Variants in GMPPA observed in about 807,000 individuals in gnomAD.
The protein encoded by GMPPA is mannose-1-phosphate guanylyltransferase regulatory subunit alpha.
GMPPA carries 46 observed loss-of-function variants against 58.6 expected under a neutral mutation model. The observed-to-expected ratio is 0.78, with a 90% confidence interval of 0.62 to 1.00. The LOEUF is 1.00. GMPPA is among the 50% of genes least tolerant of loss of function. The pLI, the probability that GMPPA is intolerant of heterozygous loss-of-function variation, is 0.00. For synonymous variants in GMPPA, 211 were observed against 214.9 expected, an observed-to-expected ratio of 0.98 and a Z score of 0.16; for missense variants, 468 against 556.4, an observed-to-expected ratio of 0.84 and a Z score of 1.60.
At chr2:219,506,100 T>G (rs775853885) in intron 11 of GMPPA, 28 bp downstream of exon 11, 5 of 1,522,912 alleles carry the variant, frequency 3.3e-6, no homozygotes, top group South Asian at 2.4e-5. Context: ...CAGCAGCATG[T>G]GACACCCCAA....
intron 3 of GMPPA, 67 bp downstream of exon 3, chr2:219,500,285 C>T (rs553725839): frequency 2.0e-5 from 17 of 861,934 alleles, no homozygotes; most frequent in African/African-American, 1.7e-4. Flanking sequence ...CCCCCTTTCC[C>T]AACCATGAAC....
chr2:219,506,668 C>A, intron 12 of GMPPA, 30 bp from the exon 13 acceptor site: 2 of 1,323,624 alleles, frequency 1.5e-6, no homozygotes, highest in Non-Finnish European at 2.2e-6. Flanking sequence ...CCTCCCATGA[C>A]CTCCCCTGGT....
At chr2:219,501,426 A>G (rs777182058) in intron 3 of GMPPA, 50 bp from the exon 4 acceptor site, 2 of 1,114,158 alleles carry the variant, frequency 1.8e-6, no homozygotes, top group Non-Finnish European at 2.8e-6. Flanking sequence ...TTTCCCCAAC[A>G]TCCCCTCCTA....
In GMPPA at chr2:219,502,481, G is replaced by T. The variant is rs370918738; in HGVS notation, c.489+40G>T. ...GGGGCTGGGTGGGTGCCTACTCTGTGTCATCATCCCCTCTACCTCAGGCCT... is the reference window on the plus strand; with the variant it reads ...GGGGCTGGGTGGGTGCCTACTCTGTTTCATCATCCCCTCTACCTCAGGCCT... On this transcript the variant is annotated intron_variant, in intron 6 of 12. Transcript: ENST00000313597. This position sits in a 1 kb window ranked among gnomAD's most constrained non-coding sequence, Gnocchi z 4.0. The T allele has an allele frequency of 7.1e-5, 107 of 1,513,632 alleles. No homozygotes were observed. Among genetic ancestry groups the T allele is most frequent in the Non-Finnish European group, 9.2e-5 (100 of 1,089,638 alleles). 93.8% of individuals were successfully genotyped at this position (1,513,632 alleles called of 1,614,324 possible).
At chr2:219,504,962 G>A in intron 7 of GMPPA, 3 of 968,750 alleles carry the variant, frequency 3.1e-6, no homozygotes, top group South Asian at 2.5e-5. Context: ...GAAAATGGGG[G>A]GAACTCCTTA....
At position 219,502,708 on chromosome 2, in the gene GMPPA, T is replaced by C. The variant is rs1694444723; in HGVS notation, c.489+267T>C. On this transcript the variant is annotated intron_variant, in intron 6 of 12. Coordinates refer to ENST00000313597, the MANE Select transcript of GMPPA (RefSeq NM_013335.4). The surrounding 1 kb of genome is among the most constrained non-coding windows in gnomAD (Gnocchi z 4.0). Reference sequence around the variant, plus strand: ...CAAGGGGGCCCCAACCCAGCCTTGCTGGGGTGGGAGTAGAGAGGGCTTCCT... The same window carrying C: ...CAAGGGGGCCCCAACCCAGCCTTGCCGGGGTGGGAGTAGAGAGGGCTTCCT... Among the ~76,000 whole-genome samples, 1 of 152,044 alleles carries C rather than the reference T, an allele frequency of 6.6e-6. No homozygotes were observed. The highest frequency in any genetic ancestry group is 1.5e-5 in the Non-Finnish European group (1 of 67,984).
In GMPPA at chr2:219,502,568, C is replaced by T. The variant is rs559133003; in HGVS notation, c.489+127C>T. ...TCTTGTCAGACAGGTGAGACACTCC[C>T]GATTAATCATCTTATATCCCTTTAA... On this transcript the variant is annotated intron_variant, in intron 6 of 12. Transcript: ENST00000313597. This position sits in a 1 kb window ranked among gnomAD's most constrained non-coding sequence, Gnocchi z 4.0. 140 of 690,220 alleles carry T rather than the reference C, an allele frequency of 2.0e-4. 2 individuals are homozygous for T. The African/African-American group carries it at 2.2e-3, about 11-fold the overall frequency. The allele number at this position is 690,220 out of a possible 1,614,324, so 42.8% of individuals were successfully genotyped here. A position where few individuals can be genotyped will look rare whatever the true frequency, so the allele number is the denominator to read the frequency against.
At chr2:219,501,718 T>C in intron 4 of GMPPA, 133 bp from the exon 5 acceptor site, 1 of 907,332 alleles carries the variant, frequency 1.1e-6, no homozygotes, top group South Asian at 1.5e-5. Flanking sequence ...AATGAATCTC[T>C]GAGTATATAG....
chr2:219,506,700 T>C lies in GMPPA; in HGVS notation c.1165T>C (p.Cys389Arg). The C allele has an allele frequency of 1.3e-6, 2 of 1,579,672 alleles. No homozygotes were observed. Among genetic ancestry groups the C allele is most frequent in the Non-Finnish European group, 1.7e-6 (2 of 1,149,170 alleles). Residue 389 changes from cysteine to arginine, a missense_variant and splice_region_variant, in exon 13 of 13, where the codon TGC becomes CGC. Transcript: ENST00000313597. ...KLLPAITILG[C>R]RVRIPAEVLI... ...TGGTGCCCTCATCCATGCTGCAGGC[T>C]GCCGAGTCCGGATCCCTGCCGAGGT...
In GMPPA at chr2:219,506,728, T is replaced by G; in HGVS notation, c.1193T>G (p.Leu398Arg). The G allele has an allele frequency of 6.2e-7, 1 of 1,606,542 alleles. No homozygotes were observed. Among genetic ancestry groups the G allele is most frequent in the Non-Finnish European group, 8.5e-7 (1 of 1,173,432 alleles). The change falls in exon 13 of 13, where the codon CTC becomes CGC. Residue 398 changes from leucine to arginine, a missense_variant. Transcript: ENST00000313597. Reference sequence around the variant, plus strand: ...CGAGTCCGGATCCCTGCCGAGGTGCTCATCCTGAACTCGATTGTTCTGCCA... The same window carrying G: ...CGAGTCCGGATCCCTGCCGAGGTGCGCATCCTGAACTCGATTGTTCTGCCA... ...GCRVRIPAEV[L>R]ILNSIVLPHK...
In GMPPA at chr2:219,502,460, C is replaced by T. The variant is rs376754120; in HGVS notation, c.489+19C>T. ...ACACGAGGTGAGAGCAGAGTGGGGGCTGGGTGGGTGCCTACTCTGTGTCAT... is the reference window on the plus strand; with the variant it reads ...ACACGAGGTGAGAGCAGAGTGGGGGTTGGGTGGGTGCCTACTCTGTGTCAT... On this transcript the variant is annotated intron_variant, in intron 6 of 12. Coordinates refer to ENST00000313597, the MANE Select transcript of GMPPA (RefSeq NM_013335.4). This position sits in a 1 kb window ranked among gnomAD's most constrained non-coding sequence, Gnocchi z 4.0. 2.9e-5 allele frequency: 47 copies of T among 1,605,596 alleles called. No homozygotes were observed. The highest frequency in any genetic ancestry group is 1.6e-4 in the Middle Eastern group (1 of 6,064).
At position 219,502,582 on chromosome 2, in the gene GMPPA, A is replaced by G. The variant is rs575493885; in HGVS notation, c.489+141A>G. ...TGAGACACTCCCGATTAATCATCTT[A>G]TATCCCTTTAAGAGAGATTGACCAG... is the stretch of plus-strand genomic sequence containing the variant. On this transcript the variant is annotated intron_variant, in intron 6 of 12. Transcript: ENST00000313597. This position sits in a 1 kb window ranked among gnomAD's most constrained non-coding sequence, Gnocchi z 4.0. 2.7e-5 allele frequency: 16 copies of G among 594,436 alleles called. No individual in the cohort carries two copies. The East Asian group carries it at 3.2e-4, about 12-fold the overall frequency. The allele number at this position is 594,436 out of a possible 1,614,324, so 36.8% of individuals were successfully genotyped here. A position where few individuals can be genotyped will look rare whatever the true frequency, so the allele number is the denominator to read the frequency against.
At chr2:219,506,558 G>T in intron 12 of GMPPA, 136 bp downstream of exon 12, 1 of 1,057,382 alleles carries the variant, frequency 9.5e-7, no homozygotes, top group Non-Finnish European at 1.4e-6. Context: ...TGTGTGCCAG[G>T]CCCTGTGTGA....
intron 6 of GMPPA, 107 bp from the exon 7 acceptor site, chr2:219,503,976 C>T (rs1694487082): frequency 7.7e-7 from 1 of 1,302,074 alleles, no homozygotes; most frequent in African/African-American, 1.5e-5. Context: ...AGCCAGGCCA[C>T]CCTGGCAGCA....
Position 219,506,941 on chromosome 2 carries a change from C to T in GMPPA, c.*143C>T. ...GAGCAATGTGGATGGCCTGGGGACT[C>T]CTGGGTTTTCTCCCTCCCGACTCCC... On this transcript the variant is annotated 3_prime_UTR_variant, in exon 13 of 13. Transcript: ENST00000313597. The T allele has an allele frequency of 1.6e-6, 1 of 625,640 alleles. No homozygotes were observed. Among genetic ancestry groups the T allele is most frequent in the Non-Finnish European group, 2.9e-6 (1 of 346,748 alleles). 38.8% of individuals were successfully genotyped at this position (625,640 alleles called of 1,614,324 possible). A position where few individuals can be genotyped will look rare whatever the true frequency, so the allele number is the denominator to read the frequency against.
rs369043140 is a variant in GMPPA at position 219,505,573 on chromosome 2, A to T, written c.853+18A>T. On this transcript the variant is annotated intron_variant, in intron 9 of 12. Coordinates refer to ENST00000313597, the MANE Select transcript of GMPPA (RefSeq NM_013335.4). Reference sequence around the variant, plus strand: ...GATCCGAGGTACCCAGCCTGCCCCAATTCCTAACCTTTGGCTTCCACCCCA... The same window carrying T: ...GATCCGAGGTACCCAGCCTGCCCCATTTCCTAACCTTTGGCTTCCACCCCA... 1.4e-5 allele frequency: 22 copies of T among 1,569,518 alleles called. No individual in the cohort carries two copies. The highest frequency in any genetic ancestry group is 5.8e-5 in the South Asian group (5 of 86,294).
Position 219,502,348 on chromosome 2 carries a change from G to T in GMPPA, c.430-34G>T, listed in dbSNP as rs1461463943. 1 of 1,596,500 alleles carries T rather than the reference G, an allele frequency of 6.3e-7. No individual in the cohort carries two copies. Among genetic ancestry groups the T allele is most frequent in the Non-Finnish European group, 8.6e-7 (1 of 1,164,032 alleles). The stretch of plus-strand genomic sequence containing the variant: ...AACAGACGTGGCTGCCCTGGAGCAG[G>T]CGGGTCACTGTCTCGGGTGTGTCTG... On this transcript the variant is annotated intron_variant, in intron 5 of 12. Coordinates refer to ENST00000313597, the MANE Select transcript of GMPPA (RefSeq NM_013335.4). This position sits in a 1 kb window ranked among gnomAD's most constrained non-coding sequence, Gnocchi z 4.0.
rs1047510168 is a variant in GMPPA at position 219,502,291 on chromosome 2, C to A, written c.430-91C>A. 14 of 1,140,296 alleles carry A rather than the reference C, an allele frequency of 1.2e-5. No homozygotes were observed. The African/African-American group carries it at 2.1e-4, about 17-fold the overall frequency. 70.6% of individuals were successfully genotyped at this position (1,140,296 alleles called of 1,614,324 possible). ...GGCCTGTCAGTGGCAGAGCTGCATG[C>A]CAGGTGCTGTAGCGGAGGGAAAGAA... On this transcript the variant is annotated intron_variant, in intron 5 of 12. Transcript: ENST00000313597. The surrounding 1 kb of genome is among the most constrained non-coding windows in gnomAD (Gnocchi z 4.0).
rs1559449617 is a variant in GMPPA at position 219,506,724 on chromosome 2, G to C, written c.1189G>C (p.Val397Leu). The change falls in exon 13 of 13, where the codon GTG (valine) becomes CTG (leucine). Residue 397 changes from valine to leucine, a missense_variant. Physicochemically the swap from Val to Leu is conservative, Grantham distance 32 (BLOSUM62 1). Coordinates refer to ENST00000313597, the MANE Select transcript of GMPPA (RefSeq NM_013335.4). ...CTGCCGAGTCCGGATCCCTGCCGAG[G>C]TGCTCATCCTGAACTCGATTGTTCT... ...LGCRVRIPAE[V>L]LILNSIVLPH... is the part of the protein sequence containing the mutation. 6.2e-7 allele frequency: 1 copy of C among 1,605,876 alleles called. No individual in the cohort carries two copies. The highest frequency in any genetic ancestry group is 2.2e-5 in the East Asian group (1 of 44,846).
Sources: gnomAD v4.1 joint callset for allele counts (sites outside exome capture counted in the v4.1 genomes callset) on GRCh38, gnomAD v4.1.1 for gene constraint, Gnocchi (gnomAD v3.1) non-coding constraint, MANE v1.5 for transcripts, NCBI Gene and HGNC (gene_info 2026-07-23, HGNC 2026-07-21) for gene names.